Variants in TRERF1 observed in about 807,000 individuals in gnomAD.
TRERF1 encodes the protein transcriptional-regulating factor 1.
Under a neutral mutation model 122.9 loss-of-function variants are expected in TRERF1, and 27 were observed. That is an observed-to-expected ratio of 0.22 (90% CI 0.16 to 0.30). The LOEUF is 0.30. TRERF1 is among the 10% of genes least tolerant of loss of function. TRERF1 has a pLI of 1.00. For synonymous variants in TRERF1, 636 were observed against 641.7 expected (o/e 0.99, Z 0.13); for missense variants, 1,248 against 1,560.3 (o/e 0.80, Z 3.37).
chr6:42,321,595 G>A (rs1288979146), intron 3 of TRERF1, among the ~76,000 whole-genome samples: 1 of 152,190 alleles, frequency 6.6e-6, no homozygotes, highest in Non-Finnish European at 1.5e-5. Flanking sequence ...AAATAAATGA[G>A]CAAGTCAGGT....
intron 5 of TRERF1, among the ~76,000 whole-genome samples, chr6:42,267,547 T>C (rs569309937): frequency 6.6e-6 from 1 of 152,112 alleles, no homozygotes; most frequent in South Asian, 2.1e-4. Flanking sequence ...GAGAATCACT[T>C]GAACCCAGGA....
chr6:42,430,446 A>G (rs888976804), intron 2 of TRERF1, among the ~76,000 whole-genome samples: 3 of 152,198 alleles, frequency 2.0e-5, no homozygotes, highest in Non-Finnish European at 4.4e-5. Flanking sequence ...CCAAGAGAAG[A>G]AATAGAAAAT....
intron 2 of TRERF1, among the ~76,000 whole-genome samples, chr6:42,419,083 A>C (rs1782359796): frequency 6.6e-6 from 1 of 152,230 alleles, no homozygotes; most frequent in Non-Finnish European, 1.5e-5. Flanking sequence ...TGAGAATCCC[A>C]TATCCAGGAT....
At chr6:42,397,466 C>T (rs918832768) in intron 2 of TRERF1, among the ~76,000 whole-genome samples, 4 of 152,156 alleles carry the variant, frequency 2.6e-5, no homozygotes, top group Admixed American at 1.3e-4. Flanking sequence ...TCACCCTACT[C>T]CCTGAATGGC....
intron 2 of TRERF1, among the ~76,000 whole-genome samples, chr6:42,384,875 G>A (rs538172069): frequency 3.3e-5 from 5 of 151,902 alleles, no homozygotes; most frequent in Non-Finnish European, 7.4e-5. Flanking sequence ...CACGATCTCA[G>A]CTCACTGCAG....
chr6:42,267,204 T>C (rs1264852637), intron 5 of TRERF1, among the ~76,000 whole-genome samples: 2 of 151,992 alleles, frequency 1.3e-5, no homozygotes, highest in East Asian at 1.9e-4. Flanking sequence ...CCAGGTGGCA[T>C]GCACCTGTAG....
chr6:42,450,585 G>T (rs1332455380), intron 2 of TRERF1, among the ~76,000 whole-genome samples: 1 of 152,244 alleles, frequency 6.6e-6, no homozygotes, highest in African/African-American at 2.4e-5. Context: ...CCAGTCCAGT[G>T]CTGGCCAGAG....
intron 2 of TRERF1, among the ~76,000 whole-genome samples, chr6:42,446,812 G>T (rs1181016569): frequency 1.3e-5 from 2 of 152,124 alleles, no homozygotes; most frequent in African/African-American, 4.8e-5. Context: ...AGACCAGCCT[G>T]GTCAACATGG....
At position 42,268,953 on chromosome 6, in the gene TRERF1, G is replaced by A. The variant is rs754851021; in HGVS notation, c.638C>T (p.Thr213Ile). The A allele has an allele frequency of 1.9e-6, 3 of 1,612,036 alleles. No individual in the cohort carries two copies. The Admixed American group carries it at 5.0e-5, about 27-fold the overall frequency. Residue 213 changes from threonine (T) to isoleucine (I), a missense_variant, in exon 5 of 18, where the codon ACT (threonine) becomes ATT (isoleucine). Around this residue, in one of 5 missense-constraint regions of TRERF1, gnomAD observed 946 missense variants for 1,073.0 expected, o/e 0.88. Transcript: ENST00000372922. The surrounding 1 kb of genome is among the most constrained non-coding windows in gnomAD (Gnocchi z 4.4). ...AAGAGCTGGTTTGGACAGCCCACCA[G>A]TGAAACCAGGGTGAGGCTGCTGGGG...
intron 2 of TRERF1, among the ~76,000 whole-genome samples, chr6:42,433,051 G>A (rs1168756974): frequency 6.6e-6 from 1 of 152,108 alleles, no homozygotes; most frequent in African/African-American, 2.4e-5. Flanking sequence ...TTTTGAAGGT[G>A]TGGAAATACA....
At position 42,259,612 on chromosome 6, in the gene TRERF1, G is replaced by T; in HGVS notation, c.1996C>A (p.Pro666Thr). 1.9e-6 allele frequency: 3 copies of T among 1,613,826 alleles called. No homozygotes were observed. Among genetic ancestry groups the T allele is most frequent in the African/African-American group, 1.3e-5 (1 of 75,034 alleles). The change falls in exon 9 of 18, where the codon CCG becomes ACG. Residue 666 changes from proline (P) to threonine (T), a missense_variant. This residue lies in a region of TRERF1 where 946 missense variants were observed against 1,073.0 expected (regional missense o/e 0.88). Transcript: ENST00000372922. The surrounding 1 kb of genome is among the most constrained non-coding windows in gnomAD (Gnocchi z 4.9). ...GCGGGGTTCGGGTTGTAGGAGGGCGGCGGCGGGATGAAGAGAGGTTCCGGC... is the reference window on the plus strand; with the variant it reads ...GCGGGGTTCGGGTTGTAGGAGGGCGTCGGCGGGATGAAGAGAGGTTCCGGC...
rs149223155 is a variant in TRERF1, at chr6:42,237,178, C to T, written c.2860-767G>A. ...ATGATCTCCTCTGCTTCTATGGCCA[C>T]TCTCCCCACTTCAGAACAGCAGCCA... is the stretch of plus-strand genomic sequence containing the variant. On this transcript the variant is annotated intron_variant, in intron 15 of 17. Transcript: ENST00000372922. Among the ~76,000 whole-genome samples, 264 of 152,344 alleles carry T rather than the reference C, an allele frequency of 1.7e-3. 2 individuals carry two copies. Among genetic ancestry groups the T allele is most frequent in the African/African-American group, 5.9e-3 (246 of 41,578 alleles).
At chr6:42,326,504 G>C (rs911012307) in intron 3 of TRERF1, among the ~76,000 whole-genome samples, 46 of 152,158 alleles carry the variant, frequency 3.0e-4, no homozygotes, top group African/African-American at 1.0e-3. Flanking sequence ...AAGGTGGGTG[G>C]GGCCCAGGGC....
chr6:42,225,907 A>C (rs1366940129), exon 18 of TRERF1: 1 of 152,214 alleles, frequency 6.6e-6, no homozygotes, highest in Non-Finnish European at 1.5e-5. Context: ...ACTAATGAAA[A>C]ACCATCTGAT....
intron 4 of TRERF1, among the ~76,000 whole-genome samples, chr6:42,283,007 C>T (rs959654563): frequency 6.6e-6 from 1 of 152,172 alleles, no homozygotes; most frequent in African/African-American, 2.4e-5. Context: ...CTGAAAGGAG[C>T]TTATCTAATT....
At chr6:42,245,268 A>C (rs1028367757) in intron 14 of TRERF1, among the ~76,000 whole-genome samples, 18 of 152,264 alleles carry the variant, frequency 1.2e-4, no homozygotes, top group Admixed American at 2.0e-4. Flanking sequence ...CAGCAAAGGC[A>C]TGGCAGCCGC....
intron 4 of TRERF1, among the ~76,000 whole-genome samples, chr6:42,295,287 G>T (rs2150185350): frequency 6.6e-6 from 1 of 152,352 alleles, no homozygotes; most frequent in African/African-American, 2.4e-5. Context: ...CTGTTTTACA[G>T]AAGTGAGGTG....
chr6:42,262,610 G>GACAGGCAGGCAGA, intron 8 of TRERF1, among the ~76,000 whole-genome samples: 2 of 11,966 alleles, frequency 1.7e-4, no homozygotes, highest in South Asian at 2.0e-3. Context: ...ACAGACAGAC[G>GACAGGCAGGCAGA]GAAACCCTTC....
At chr6:42,243,603 C>T (rs1293510576) in intron 14 of TRERF1, among the ~76,000 whole-genome samples, 35 of 148,834 alleles carry the variant, frequency 2.4e-4, no homozygotes, top group African/African-American at 7.0e-4. Context: ...TTTTTTGAGA[C>T]GGAGTCTTGC....
Sources: allele counts gnomAD v4.1 joint callset (sites outside exome capture counted in the v4.1 genomes callset), GRCh38; gene constraint gnomAD v4.1.1; regional missense constraint gnomAD v4.1.1; non-coding constraint Gnocchi (gnomAD v3.1); transcripts MANE v1.5; gene names NCBI Gene and HGNC (gene_info 2026-07-23, HGNC 2026-07-21).